Variants in PSEN1 observed in about 807,000 individuals in gnomAD.
PSEN1 encodes the protein presenilin 1, also known as presenilin-1.
Under a neutral mutation model 53.5 loss-of-function variants are expected in PSEN1, and 15 were observed. That is an observed-to-expected ratio of 0.28 (90% CI 0.19 to 0.43). PSEN1 has a LOEUF of 0.43. Among genes scored for constraint, PSEN1 ranks in the 20% least tolerant of loss-of-function variants. The pLI, the probability that PSEN1 is intolerant of heterozygous loss-of-function variation, is 1.00. For missense variants in PSEN1, 387 were observed against 571.2 expected, an observed-to-expected ratio of 0.68 and a Z score of 3.29; for synonymous variants, 208 against 209.8, an observed-to-expected ratio of 0.99 and a Z score of 0.08.
intron 7 of PSEN1, among the ~76,000 whole-genome samples, chr14:73,194,302 A>G (rs1008843579): frequency 6.6e-6 from 1 of 151,356 alleles, no homozygotes; most frequent in Non-Finnish European, 1.5e-5. Context: ...TCCACGCTAG[A>G]GTACAGTGGC....
In PSEN1 at chr14:73,190,858, T is replaced by G. The variant is rs183435766; in HGVS notation, c.549-1786T>G. Among the ~76,000 whole-genome samples the G allele has an allele frequency of 2.8e-3, 421 of 151,546 alleles. 1 individual carries two copies. Among genetic ancestry groups the G allele is most frequent in the Non-Finnish European group, 4.2e-3 (289 of 68,018 alleles). ...CCAAAGATTAATAAATAGATTGTTT[T>G]TGTTTTTGTTTTTTAGTTTGAGGAT... On this transcript the variant is annotated intron_variant, in intron 6 of 11. Coordinates refer to ENST00000324501, the MANE Select transcript of PSEN1 (RefSeq NM_000021.4).
intron 3 of PSEN1, among the ~76,000 whole-genome samples, chr14:73,148,594 A>G (rs997664869): frequency 6.6e-6 from 1 of 152,196 alleles, no homozygotes; most frequent in African/African-American, 2.4e-5. Context: ...AGCTACATAC[A>G]CAGACATGAA....
At chr14:73,159,995 T>A (rs776529193) in intron 3 of PSEN1, 9 of 208,290 alleles carry the variant, frequency 4.3e-5, no homozygotes, top group East Asian at 1.6e-4. Flanking sequence ...GCTAATTTTT[T>A]AATTTTTTTG....
intron 3 of PSEN1, among the ~76,000 whole-genome samples, chr14:73,162,199 A>G (rs376484059): frequency 4.0e-5 from 6 of 151,282 alleles, no homozygotes; most frequent in African/African-American, 1.2e-4. Flanking sequence ...AAAAAGTTAA[A>G]TAGAAAAAGG....
At chr14:73,164,349 A>G (rs1897643939) in intron 3 of PSEN1, among the ~76,000 whole-genome samples, 1 of 152,220 alleles carries the variant, frequency 6.6e-6, no homozygotes, top group Non-Finnish European at 1.5e-5. Context: ...TAGACTAAAA[A>G]TGTCTGGAAT....
chr14:73,172,218 G>A (rs947882835), intron 4 of PSEN1, among the ~76,000 whole-genome samples: 2 of 152,190 alleles, frequency 1.3e-5, no homozygotes, highest in Non-Finnish European at 2.9e-5. Flanking sequence ...ATGTCATCTA[G>A]TTCCATCTCT....
At chr14:73,218,552 C>A (rs1321320168) in intron 11 of PSEN1, among the ~76,000 whole-genome samples, 1 of 152,104 alleles carries the variant, frequency 6.6e-6, no homozygotes, top group Admixed American at 6.6e-5. Flanking sequence ...GCAGTGTACT[C>A]CTCATAAATA....
chr14:73,176,740 G>A (rs1312844135), intron 5 of PSEN1, among the ~76,000 whole-genome samples: 1 of 152,116 alleles, frequency 6.6e-6, no homozygotes, highest in African/African-American at 2.4e-5. Flanking sequence ...AGTTCTTTGA[G>A]GTAACCCCTA....
At chr14:73,152,941 G>A (rs1174779070) in intron 3 of PSEN1, among the ~76,000 whole-genome samples, 1 of 152,154 alleles carries the variant, frequency 6.6e-6, no homozygotes, top group African/African-American at 2.4e-5. Flanking sequence ...TACCTGGGAG[G>A]CTGAAGCAAG....
At chr14:73,137,056 C>G (rs1183546615) in intron 1 of PSEN1, 3 of 153,618 alleles carry the variant, frequency 2.0e-5, no homozygotes, top group African/African-American at 7.2e-5. Context: ...GATGCTTTCT[C>G]CTTGGTCGGG....
chr14:73,139,528 C>G (rs753131102), intron 1 of PSEN1: 1 of 151,264 alleles, frequency 6.6e-6, no homozygotes, highest in African/African-American at 2.4e-5. Flanking sequence ...TGCAGTGAGC[C>G]GAGATCATGC....
chr14:73,208,205 G>A (rs1162410130), intron 9 of PSEN1, among the ~76,000 whole-genome samples: 1 of 152,192 alleles, frequency 6.6e-6, no homozygotes, highest in Non-Finnish European at 1.5e-5. Flanking sequence ...CCTGCAACGT[G>A]GCAAGTGGGG....
chr14:73,161,172 ACCAT>A (rs1897524965), intron 3 of PSEN1, among the ~76,000 whole-genome samples: 2 of 151,674 alleles, frequency 1.3e-5, no homozygotes. Flanking sequence ...ACGGAGTTTC[ACCAT>A]GTTGCCCAGG....
Position 73,147,183 on chromosome 14 carries a change from G to A in PSEN1, c.-135-612G>A, listed in dbSNP as rs935774292. ...GTATTTTTAGTAGAGATGGGGTTTC[G>A]CCATGTTGGTCAGGCTGGTTTCGAA... On this transcript the variant is annotated intron_variant, in intron 1 of 11. Coordinates refer to ENST00000324501, the MANE Select transcript of PSEN1 (RefSeq NM_000021.4). Among the ~76,000 whole-genome samples the A allele has an allele frequency of 6.6e-5, 10 of 151,770 alleles. No homozygotes were observed. In the East Asian group the frequency reaches 9.7e-4, roughly 15 times the overall value.
chr14:73,161,407 A>G (rs989966162), intron 3 of PSEN1, among the ~76,000 whole-genome samples: 1 of 152,096 alleles, frequency 6.6e-6, no homozygotes, highest in African/African-American at 2.4e-5. Flanking sequence ...TCTTAGCAAT[A>G]TTTTGTAAGT....
chr14:73,189,868 CT>C, intron 6 of PSEN1: 1 of 227,764 alleles, frequency 4.4e-6, no homozygotes, highest in South Asian at 5.8e-5. Context: ...AGCCCTTGAC[CT>C]TTACCATGTG....
At chr14:73,207,513 T>C (rs879495167) in intron 9 of PSEN1, among the ~76,000 whole-genome samples, 4 of 152,154 alleles carry the variant, frequency 2.6e-5, no homozygotes, top group Non-Finnish European at 5.9e-5. Flanking sequence ...ATCTACAGAG[T>C]TAGCATTTAG....
intron 3 of PSEN1, among the ~76,000 whole-genome samples, chr14:73,169,965 G>A (rs1370767829): frequency 6.6e-6 from 1 of 152,180 alleles, no homozygotes; most frequent in Non-Finnish European, 1.5e-5. Flanking sequence ...ACAAGGGGTG[G>A]ATTATTCATG....
At chr14:73,207,036 A>G (rs1328302120) in intron 9 of PSEN1, among the ~76,000 whole-genome samples, 1 of 152,174 alleles carries the variant, frequency 6.6e-6, no homozygotes, top group Non-Finnish European at 1.5e-5. Context: ...ATGACTTAGG[A>G]TGAGCTGGGT....
Sources: allele counts gnomAD v4.1 joint callset (sites outside exome capture counted in the v4.1 genomes callset), GRCh38; gene constraint gnomAD v4.1.1; transcripts MANE v1.5; gene names NCBI Gene and HGNC (gene_info 2026-07-23, HGNC 2026-07-21).